Variants in SLC1A3 observed in about 807,000 individuals in gnomAD.
SLC1A3 encodes excitatory amino acid transporter 1.
A neutral mutation model predicts 48.1 loss-of-function variants in SLC1A3; 21 were observed. The ratio of observed to expected loss-of-function variants is 0.44; its 90% CI spans 0.31 to 0.63. SLC1A3 has a LOEUF of 0.63. SLC1A3 is among the 20% of genes least tolerant of loss of function. The pLI is 0.08. For synonymous variants in SLC1A3, 239 were observed against 251.4 expected (o/e 0.95, Z 0.47); for missense variants, 546 against 689.0 (o/e 0.79, Z 2.32).
chr5:36,603,009 TA>T (rs1738825226), upstream of SLC1A3, among the ~76,000 whole-genome samples: 2 of 152,266 alleles, frequency 1.3e-5, no homozygotes, highest in African/African-American at 4.8e-5. Context: ...ACCTAGTTTG[TA>T]AATGCTCCTC....
intron 3 of SLC1A3, among the ~76,000 whole-genome samples, chr5:36,650,292 A>C (rs1741009582): frequency 6.6e-6 from 1 of 152,236 alleles, no homozygotes. Flanking sequence ...TCTGTAAAAG[A>C]GGATTTTTCT....
chr5:36,629,678 C>G (rs562543494), intron 3 of SLC1A3, 91 bp downstream of exon 3: 60 of 1,093,994 alleles, frequency 5.5e-5, no homozygotes, highest in Non-Finnish European at 7.7e-5. Flanking sequence ...TAGGTTTCTG[C>G]TGGATGCATG....
chr5:36,611,663 T>C (rs566822261), intron 2 of SLC1A3, among the ~76,000 whole-genome samples: 3 of 152,270 alleles, frequency 2.0e-5, no homozygotes, highest in South Asian at 2.1e-4. Flanking sequence ...GGGCCCGTCA[T>C]GAAAGCATTA....
rs1738996643 is a variant in SLC1A3 at position 36,607,413 on chromosome 5, T to C, written c.-96+678T>C. On this transcript the variant is annotated intron_variant, in intron 1 of 9. Transcript: ENST00000265113. Reference sequence around the variant, plus strand: ...CCTTGATTTTTCAGAACAGCTGATTTCCACCAGGAAAGAGATTTACTGAAA... The same window carrying C: ...CCTTGATTTTTCAGAACAGCTGATTCCCACCAGGAAAGAGATTTACTGAAA... 3.3e-5 allele frequency: 5 copies of C among 152,202 alleles called. No individual in the cohort carries two copies. The South Asian group carries it at 1.0e-3, about 32-fold the overall frequency. The allele number at this position is 152,202 out of a possible 1,614,324, so 9.4% of individuals were successfully genotyped here.
chr5:36,598,334 CAT>C (rs1332344254), intron 1 of SLC1A3, among the ~76,000 whole-genome samples: 3 of 152,176 alleles, frequency 2.0e-5, no homozygotes, highest in Non-Finnish European at 4.4e-5. Context: ...GTGCCTGACA[CAT>C]AAGTCTTTTC....
intron 2 of SLC1A3, among the ~76,000 whole-genome samples, chr5:36,628,801 G>A (rs558180606): frequency 1.3e-5 from 2 of 152,118 alleles, no homozygotes; most frequent in African/African-American, 2.4e-5. Context: ...ACGTTTTCAG[G>A]GAAAATTTTG....
rs116713383 is a variant in SLC1A3 at position 36,671,359 on chromosome 5, A to G, written c.524+126A>G. On this transcript the variant is annotated intron_variant, in intron 4 of 9. Transcript: ENST00000265113. ...CCTTGCCAGGCTTGAAATGAAGGTC[A>G]TATATCTTTACCTCTTTCTTATAGA... 3.9e-4 allele frequency: 281 copies of G among 727,650 alleles called. 1 individual carries two copies. The African/African-American group carries it at 4.5e-3, about 12-fold the overall frequency. 45.1% of individuals were successfully genotyped at this position (727,650 alleles called of 1,614,324 possible). A position where few individuals can be genotyped will look rare whatever the true frequency, so the allele number is the denominator to read the frequency against.
intron 3 of SLC1A3, among the ~76,000 whole-genome samples, chr5:36,659,568 G>C (rs944485082): frequency 4.6e-5 from 7 of 152,136 alleles, no homozygotes; most frequent in African/African-American, 1.4e-4. Flanking sequence ...CTGATAAGTG[G>C]GGGGAGCCAG....
At chr5:36,619,040 C>A (rs1462753028) in intron 2 of SLC1A3, among the ~76,000 whole-genome samples, 1 of 152,158 alleles carries the variant, frequency 6.6e-6, no homozygotes, top group African/African-American at 2.4e-5. Flanking sequence ...TCCGTGTCTC[C>A]ACTCTACTTG....
chr5:36,603,777 G>C (rs1164283782), upstream of SLC1A3, among the ~76,000 whole-genome samples: 6 of 152,080 alleles, frequency 3.9e-5, no homozygotes, highest in Non-Finnish European at 8.8e-5. Flanking sequence ...CCAAATTCTA[G>C]GAGGAGAATT....
rs373367336 is a variant in SLC1A3 at position 36,671,251 on chromosome 5, C to T, written c.524+18C>T. The T allele has an allele frequency of 2.9e-4, 465 of 1,593,592 alleles. 9 individuals carry two copies. The South Asian group carries it at 4.6e-3, about 16-fold the overall frequency. On this transcript the variant is annotated intron_variant, in intron 4 of 9. Transcript: ENST00000265113. ...TTGATCAGGTATGTCCTTGCAAGCC[C>T]GTCCTTTGGGGTGTATTTTCGCCAT...
chr5:36,604,572 C>G (rs1000267138), upstream of SLC1A3, among the ~76,000 whole-genome samples: 3 of 152,142 alleles, frequency 2.0e-5, no homozygotes, highest in Admixed American at 1.3e-4. Flanking sequence ...GGTTTTATTA[C>G]AGCCAACAAA....
At chr5:36,671,334 C>G in intron 4 of SLC1A3, 101 bp downstream of exon 4, 1 of 800,630 alleles carries the variant, frequency 1.2e-6, no homozygotes, top group Non-Finnish European at 2.2e-6. Flanking sequence ...ACTGAACCAG[C>G]CTTGCCAGGC....
chr5:36,631,275 T>G, intron 3 of SLC1A3, among the ~76,000 whole-genome samples: 1 of 152,218 alleles, frequency 6.6e-6, no homozygotes, highest in East Asian at 1.9e-4. Context: ...AGAAAAGCCC[T>G]TATATGATAC....
At chr5:36,645,319 C>CTTT (rs68027582) in intron 3 of SLC1A3, among the ~76,000 whole-genome samples, 8,815 of 84,270 alleles carry the variant, frequency 0.1, 3,298 homozygotes, top group Non-Finnish European at 0.15. Flanking sequence ...CTTCCGCTGC[C>CTTT]TTTTTTTTTT....
intron 3 of SLC1A3, among the ~76,000 whole-genome samples, chr5:36,633,978 T>A (rs1221390111): frequency 6.6e-6 from 1 of 152,176 alleles, no homozygotes; most frequent in Non-Finnish European, 1.5e-5. Context: ...CCCCCGCTCT[T>A]GTAGTATTTT....
upstream of SLC1A3, chr5:36,606,367 A>G (rs1738940086): frequency 6.6e-6 from 1 of 152,236 alleles, no homozygotes; most frequent in African/African-American, 2.4e-5. Flanking sequence ...TTTATTTTTC[A>G]ATTCTTCCTA....
intron 9 of SLC1A3, among the ~76,000 whole-genome samples, chr5:36,685,744 C>T (rs778661733): frequency 6.6e-6 from 1 of 152,178 alleles, no homozygotes; most frequent in Non-Finnish European, 1.5e-5. Flanking sequence ...CTCCACTATA[C>T]ATTCATGAGA....
upstream of SLC1A3, among the ~76,000 whole-genome samples, chr5:36,605,418 A>C (rs1236434312): frequency 6.6e-6 from 1 of 152,228 alleles, no homozygotes; most frequent in African/African-American, 2.4e-5. Flanking sequence ...ATTTTAAAGC[A>C]TTGACATGAT....
Sources: allele counts gnomAD v4.1 joint callset (sites outside exome capture counted in the v4.1 genomes callset), GRCh38; gene constraint gnomAD v4.1.1; transcripts MANE v1.5; gene names NCBI Gene and HGNC (gene_info 2026-07-23, HGNC 2026-07-21).